Variants in PABIR3 observed in about 807,000 individuals in gnomAD.
PABIR3 encodes PABIR family member 1.
PABIR3 carries 20 observed loss-of-function variants against 23.1 expected under a neutral mutation model. That is an observed-to-expected ratio of 0.86 (90% CI 0.61 to 1.26). PABIR3 has a LOEUF of 1.26. PABIR3 is among the 50% of genes most tolerant of loss of function. The pLI is 0.00. For synonymous variants in PABIR3, 69 were observed against 68.5 expected (o/e 1.01, Z -0.04); for missense variants, 189 against 195.4 (o/e 0.97, Z 0.20).
intron 9 of PABIR3, among the ~76,000 whole-genome samples, chrX:134,850,242 A>G (rs1367570782): frequency 1.8e-5 from 2 of 110,640 alleles, no homozygotes; most frequent in African/African-American, 6.6e-5. Flanking sequence ...AAAAATGTGT[A>G]TTGTGAAAAA....
At chrX:134,839,976 A>G (rs888938685) in intron 4 of PABIR3, among the ~76,000 whole-genome samples, 2 of 112,430 alleles carry the variant, frequency 1.8e-5, no homozygotes, top group Non-Finnish European at 3.8e-5. Context: ...TCTGTGTAGA[A>G]AGAAGTAGAC....
intron 3 of PABIR3, among the ~76,000 whole-genome samples, chrX:134,824,819 AAG>A (rs1393269345): frequency 1.5e-3 from 168 of 112,061 alleles, no homozygotes; most frequent in African/African-American, 5.0e-3. Flanking sequence ...AAAAAGAAAA[AAG>A]AAAAAAAATA....
rs200169266 is a variant in PABIR3, at chrX:134,797,810, A to ATT, written c.-98+967_-98+968dup. Reference sequence around the variant, plus strand: ...ATGCCTCAGCGTGGGTGAGATCTGGATTTTTTTTTTTTTTTTTTTTTTAAA... The same window carrying ATT: ...ATGCCTCAGCGTGGGTGAGATCTGGATTTTTTTTTTTTTTTTTTTTTTTTAAA... On this transcript the variant is annotated intron_variant, in intron 1 of 4. Transcript: ENST00000414371. 1.4e-3 allele frequency among the ~76,000 whole-genome samples: 126 copies of ATT among 88,070 alleles called. 1 individual carries two copies. Among genetic ancestry groups the ATT allele is most frequent in the African/African-American group, 5.1e-3 (121 of 23,584 alleles). 76.5% of individuals were successfully genotyped at this position (88,070 alleles called of 115,157 possible).
the PABIR3 span, among the ~76,000 whole-genome samples, chrX:134,863,141 T>C: frequency 8.9e-6 from 1 of 112,112 alleles, no homozygotes; most frequent in Non-Finnish European, 1.9e-5. Flanking sequence ...TATAAATTGT[T>C]GTGTTAGAGT....
Position 134,807,615 on chromosome X carries a change from T to C in PABIR3, c.17T>C (p.Met6Thr), listed in dbSNP as rs757580800. Reference protein sequence around the residue: MAQEKMKLGFKSLPSS... With the variant: MAQEKTKLGFKSLPSS... ...GACCCGGACATGGCACAGGAGAAAATGAAACTAGGTTTCAAGTCGCTGCCG... is the reference window on the plus strand; with the variant it reads ...GACCCGGACATGGCACAGGAGAAAACGAAACTAGGTTTCAAGTCGCTGCCG... The change falls in exon 2 of 11, where the codon ATG becomes ACG. Residue 6 changes from methionine to threonine, a missense_variant. Physicochemically the swap from Met to Thr is moderately conservative, Grantham distance 81. Transcript: ENST00000645433. 11 of 1,210,281 alleles carry C rather than the reference T, an allele frequency of 9.1e-6. No homozygotes were observed. Among genetic ancestry groups the C allele is most frequent in the Non-Finnish European group, 1.1e-5 (10 of 894,789 alleles).
chrX:134,807,128 A>C, upstream of PABIR3: 1 of 764,054 alleles, frequency 1.3e-6, no homozygotes. Context: ...AGGCGCCTGA[A>C]GTGACGTCAT....
intron 4 of PABIR3, among the ~76,000 whole-genome samples, chrX:134,840,858 CTT>C (rs1050427135): frequency 1.2e-4 from 13 of 109,920 alleles, no homozygotes; most frequent in African/African-American, 4.3e-4. Context: ...CTCTCCTAAA[CTT>C]TTGTTCATAT....
intron 3 of PABIR3, among the ~76,000 whole-genome samples, chrX:134,816,648 A>G (rs933102644): frequency 9.0e-6 from 1 of 111,261 alleles, no homozygotes; most frequent in Non-Finnish European, 1.9e-5. Flanking sequence ...AATGTTTAGT[A>G]GAGTTCAGCA....
chrX:134,835,596 GTTA>G (rs2081948973), intron 4 of PABIR3: 1 of 111,331 alleles, frequency 9.0e-6, no homozygotes, highest in Non-Finnish European at 1.9e-5. Context: ...TCTAAACACA[GTTA>G]TTATTCCTAC....
At chrX:134,832,741 G>A (rs769488327) in intron 4 of PABIR3, among the ~76,000 whole-genome samples, 2 of 111,195 alleles carry the variant, frequency 1.8e-5, no homozygotes, top group Non-Finnish European at 3.8e-5. Flanking sequence ...GTACTCCACT[G>A]TTTATATGTA....
intron 4 of PABIR3, chrX:134,839,425 C>A (rs1337360164): frequency 7.1e-6 from 1 of 141,595 alleles, no homozygotes; most frequent in Admixed American, 8.5e-5. Flanking sequence ...CTGGCAACCG[C>A]CCCGTCTGAG....
chrX:134,796,452 T>G, upstream of PABIR3: 2 of 325,043 alleles, frequency 6.2e-6, no homozygotes, highest in African/African-American at 3.0e-5. Context: ...GAAGAGGTAG[T>G]GGTGGAAGGT....
At chrX:134,809,157 A>G (rs780487396) in intron 2 of PABIR3, 2 of 153,865 alleles carry the variant, frequency 1.3e-5, no homozygotes, top group Non-Finnish European at 2.5e-5. Context: ...GGATTACTAA[A>G]TCTTGTTTCC....
chrX:134,816,948 G>A (rs2081016092), intron 3 of PABIR3, among the ~76,000 whole-genome samples: 1 of 111,599 alleles, frequency 9.0e-6, no homozygotes, highest in South Asian at 3.8e-4. Flanking sequence ...GCCAAGGCGG[G>A]AGGATCACCT....
At chrX:134,811,076 T>G in intron 2 of PABIR3, 4 of 753,396 alleles carry the variant, frequency 5.3e-6, no homozygotes, top group Non-Finnish European at 6.3e-6. Flanking sequence ...TTAAATTCCT[T>G]AGGTTTGTTT....
chrX:134,845,428 A>G, intron 6 of PABIR3, 27 bp downstream of exon 6: 1 of 1,134,082 alleles, frequency 8.8e-7, no homozygotes, highest in Non-Finnish European at 1.2e-6. Context: ...TCAGTTTTGT[A>G]GAAAATTTCA....
chrX:134,802,450 G>A (rs1225854451), upstream of PABIR3, among the ~76,000 whole-genome samples: 4 of 111,284 alleles, frequency 3.6e-5, no homozygotes, highest in Non-Finnish European at 5.7e-5. Context: ...GGGGCCTTAC[G>A]CTGGATGGTT....
chrX:134,820,408 G>A (rs904667187), intron 3 of PABIR3, among the ~76,000 whole-genome samples: 2 of 111,283 alleles, frequency 1.8e-5, no homozygotes, highest in African/African-American at 6.5e-5. Context: ...TCCTATACTG[G>A]TCTATCCTTA....
chrX:134,825,695 CT>C (rs1368536450), intron 3 of PABIR3, among the ~76,000 whole-genome samples: 1 of 110,369 alleles, frequency 9.1e-6, no homozygotes, highest in Non-Finnish European at 1.9e-5. Flanking sequence ...TTGAGTCAGT[CT>C]TGCTCTGTCA....
Sources: gnomAD v4.1 joint callset for allele counts (sites outside exome capture counted in the v4.1 genomes callset) on GRCh38, gnomAD v4.1.1 for gene constraint, MANE v1.5 for transcripts, NCBI Gene and HGNC (gene_info 2026-07-23, HGNC 2026-07-21) for gene names.